TG: variants seen among roughly 807,000 people sequenced by gnomAD.
TG encodes the protein thyroglobulin, also known as thyroid hormones.
A neutral mutation model predicts 324.7 loss-of-function variants in TG; 270 were observed. That is an observed-to-expected ratio of 0.83 (90% confidence interval 0.75 to 0.92). TG has a LOEUF of 0.92. Ranked by LOEUF, TG falls within the 40% of genes least tolerant of loss-of-function variation. The probability of loss-of-function intolerance (pLI) is 0.00; values close to 1 mark genes in which losing one functional copy is unlikely to be tolerated. For synonymous variants in TG, 1,401 were observed against 1,327.0 expected (o/e 1.06, Z -1.21); for missense variants, 3,591 against 3,456.4 (o/e 1.04, Z -0.98).
chr8:133,057,774 C>CAAAAAAAAAAAAA (rs5895173), intron 41 of TG, among the ~76,000 whole-genome samples: 1 of 142,020 alleles, frequency 7.0e-6, no homozygotes. Context: ...AAACAAAAAA[C>CAAAAAAAAAAAAA]AAAAAAAAAA....
chr8:132,901,527 T>C lies in TG; in HGVS notation c.3608T>C (p.Val1203Ala). ...DSGEEVPGTR[V>A]TGGQPACESP... ...GGAGAAGAGGTGCCTGGGACGCGCG[T>C]GACCGGGGGCCAGCCCGCCTGTGAG... The change falls in exon 16 of 48, where the codon GTG becomes GCG. Residue 1203 changes from valine to alanine, a missense_variant. Transcript: ENST00000220616. 6.2e-7 allele frequency: 1 copy of C among 1,613,482 alleles called. No individual in the cohort carries two copies. The highest frequency in any genetic ancestry group is 1.3e-5 in the African/African-American group (1 of 75,018).
intron 41 of TG, among the ~76,000 whole-genome samples, chr8:133,053,687 T>C (rs1840847076): frequency 6.6e-6 from 1 of 152,174 alleles, no homozygotes; most frequent in South Asian, 2.1e-4. Context: ...TTGTCTTTCC[T>C]AACATTAAAA....
At chr8:133,109,066 C>T (rs576956307) in intron 43 of TG, among the ~76,000 whole-genome samples, 4 of 152,340 alleles carry the variant, frequency 2.6e-5, no homozygotes, top group African/African-American at 9.6e-5. Flanking sequence ...GCAATTTACT[C>T]GGGGTCCTGG....
chr8:133,103,907 T>A lies in TG; in HGVS notation c.7572+7534T>A, dbSNP rs565760428. The stretch of plus-strand genomic sequence containing the variant: ...TCATGTTCTCATGAAAGGACACAGA[T>A]GATGTAAGTAAATAAAGAATTTCAG... On this transcript the variant is annotated intron_variant, in intron 43 of 47. Transcript: ENST00000220616. Among the ~76,000 whole-genome samples the A allele has an allele frequency of 2.2e-4, 33 of 152,272 alleles. 1 individual carries two copies. The highest frequency in any genetic ancestry group is 1.0e-3 in the South Asian group (5 of 4,824).
At chr8:133,104,751 A>C (rs1206658880) in intron 43 of TG, among the ~76,000 whole-genome samples, 1 of 152,208 alleles carries the variant, frequency 6.6e-6, no homozygotes, top group Non-Finnish European at 1.5e-5. Context: ...GGAAAGGCTG[A>C]TTGGAATAGG....
At chr8:132,896,994 C>T (rs1259763372) in intron 11 of TG, among the ~76,000 whole-genome samples, 1 of 152,166 alleles carries the variant, frequency 6.6e-6, no homozygotes, top group Non-Finnish European at 1.5e-5. Flanking sequence ...CCTCTGTGTC[C>T]TCACCTGGGG....
intron 41 of TG, chr8:133,059,100 T>C (rs1207909626): frequency 4.4e-6 from 2 of 456,318 alleles, no homozygotes; most frequent in South Asian, 1.5e-5. Flanking sequence ...TCCACTTCCC[T>C]GTCAGGCTCG....
chr8:132,913,914 C>T (rs1265205349), intron 20 of TG, among the ~76,000 whole-genome samples: 1 of 152,182 alleles, frequency 6.6e-6, no homozygotes, highest in Non-Finnish European at 1.5e-5. Flanking sequence ...GCAGTCCTCC[C>T]GGAGGCCCCT....
At chr8:133,105,689 C>G (rs1849741696) in intron 43 of TG, among the ~76,000 whole-genome samples, 1 of 152,056 alleles carries the variant, frequency 6.6e-6, no homozygotes, top group Non-Finnish European at 1.5e-5. Context: ...ATTCTTCAAG[C>G]AAGGAGAGGA....
intron 40 of TG, among the ~76,000 whole-genome samples, chr8:133,027,822 C>T (rs1054614977): frequency 1.3e-5 from 2 of 152,240 alleles, no homozygotes; most frequent in Admixed American, 6.5e-5. Context: ...TAAACAAGCT[C>T]ATTCCCTCTA....
chr8:132,890,689 G>C (rs1816106075), intron 10 of TG, among the ~76,000 whole-genome samples: 1 of 152,192 alleles, frequency 6.6e-6, no homozygotes. Context: ...TGCCTCAAAG[G>C]CTTGTCGGAA....
chr8:133,057,828 C>G (rs1321084454), intron 41 of TG, among the ~76,000 whole-genome samples: 1 of 151,648 alleles, frequency 6.6e-6, no homozygotes, highest in African/African-American at 2.4e-5. Flanking sequence ...AAGGCATTCA[C>G]TGTCCTGGCT....
At chr8:133,030,052 T>C (rs1234423520) in intron 41 of TG, 29 bp downstream of exon 41, 3 of 1,613,666 alleles carry the variant, frequency 1.9e-6, no homozygotes, top group Non-Finnish European at 2.5e-6. Flanking sequence ...ACCTTCAGTC[T>C]TACTGCAGAT....
intron 35 of TG, among the ~76,000 whole-genome samples, chr8:132,997,065 C>T (rs970033087): frequency 4.6e-5 from 7 of 152,210 alleles, no homozygotes; most frequent in Admixed American, 1.3e-4. Context: ...GGACAATATT[C>T]ACTTGTAATG....
At chr8:133,024,272 G>T (rs1273889169) in intron 40 of TG, among the ~76,000 whole-genome samples, 3 of 151,930 alleles carry the variant, frequency 2.0e-5, no homozygotes, top group Non-Finnish European at 2.9e-5. Flanking sequence ...GTGCTGAACA[G>T]TGTCTGTCTT....
intron 40 of TG, among the ~76,000 whole-genome samples, chr8:133,024,738 T>C (rs1416477485): frequency 6.6e-6 from 1 of 151,470 alleles, no homozygotes; most frequent in Admixed American, 6.6e-5. Flanking sequence ...AAGGACACGA[T>C]CTCATTCTTT....
chr8:133,099,210 G>A (rs58273296), intron 43 of TG, among the ~76,000 whole-genome samples: 8,544 of 152,264 alleles, frequency 0.056, 768 homozygotes, highest in African/African-American at 0.19. Flanking sequence ...CTCCATGGCG[G>A]TCATCCCAGA....
chr8:133,123,986 T>G (rs1162723251), intron 45 of TG, among the ~76,000 whole-genome samples: 2 of 152,254 alleles, frequency 1.3e-5, no homozygotes, highest in Non-Finnish European at 2.9e-5. Context: ...TAGGTGAGCA[T>G]TACTAATGCT....
chr8:133,003,308 A>G (rs1382429970), intron 35 of TG: 1 of 152,408 alleles, frequency 6.6e-6, no homozygotes, highest in Non-Finnish European at 1.5e-5. Flanking sequence ...AATTTCAAAT[A>G]TATTCTAGCA....
Sources: gnomAD v4.1 joint callset for allele counts (sites outside exome capture counted in the v4.1 genomes callset) on GRCh38, gnomAD v4.1.1 for gene constraint, MANE v1.5 for transcripts, NCBI Gene and HGNC (gene_info 2026-07-23, HGNC 2026-07-21) for gene names.